The following KCNT2 variants were observed in gnomAD, a reference collection of about 807,000 sequenced individuals.
The protein encoded by KCNT2 is potassium sodium-activated channel subfamily T member 2, also known as potassium channel subfamily T member 2.
KCNT2 carries 67 observed loss-of-function variants against 153.8 expected under a neutral mutation model. The observed-to-expected ratio is 0.44, with a 90% confidence interval of 0.36 to 0.53. The LOEUF (loss-of-function observed/expected upper bound fraction) is 0.53, where lower values mean the gene tolerates loss of function less well. Among genes scored for constraint, KCNT2 ranks in the 20% least tolerant of loss-of-function variants. The probability of loss-of-function intolerance (pLI) is 0.00; values close to 1 mark genes in which losing one functional copy is unlikely to be tolerated. For missense variants in KCNT2, 975 were observed against 1,354.8 expected, an observed-to-expected ratio of 0.72 and a Z score of 4.40; for synonymous variants, 500 against 458.8, an observed-to-expected ratio of 1.09 and a Z score of -1.15.
intron 20 of KCNT2, chr1:196,317,196 C>T (rs1662813226): frequency 2.2e-6 from 1 of 446,690 alleles, no homozygotes; most frequent in Admixed American, 2.4e-5. Context: ...TCCAAGATCC[C>T]CAGGAGTAGT....
intron 1 of KCNT2, among the ~76,000 whole-genome samples, chr1:196,541,111 A>G (rs1267626576): frequency 7.7e-6 from 1 of 130,184 alleles, no homozygotes; most frequent in African/African-American, 2.9e-5. Context: ...AAATCTATTT[A>G]TATTCGTTCA....
intron 12 of KCNT2, among the ~76,000 whole-genome samples, chr1:196,417,511 T>C (rs1342476316): frequency 6.6e-6 from 1 of 152,124 alleles, no homozygotes; most frequent in Non-Finnish European, 1.5e-5. Flanking sequence ...GCCCTAAAAC[T>C]GGGTATTCTC....
chr1:196,281,055 A>G (rs1659044579), intron 24 of KCNT2, 67 bp from the exon 25 acceptor site: 6 of 1,248,232 alleles, frequency 4.8e-6, no homozygotes, highest in Middle Eastern at 2.3e-4. Flanking sequence ...GTAACTTTAC[A>G]TTTCTTTATT....
At chr1:196,262,520 A>G (rs1657123735) in intron 25 of KCNT2, among the ~76,000 whole-genome samples, 1 of 152,018 alleles carries the variant, frequency 6.6e-6, no homozygotes, top group South Asian at 2.1e-4. Context: ...ATTTTCCATT[A>G]AGTAAAGGTT....
chr1:196,415,996 C>T (rs1197396847), intron 12 of KCNT2, among the ~76,000 whole-genome samples: 3 of 151,902 alleles, frequency 2.0e-5, no homozygotes, highest in Non-Finnish European at 4.4e-5. Context: ...AAGGAAAATT[C>T]TAGAAAAAAA....
At chr1:196,535,993 C>T (rs928609511) in intron 1 of KCNT2, among the ~76,000 whole-genome samples, 3 of 152,216 alleles carry the variant, frequency 2.0e-5, no homozygotes, top group African/African-American at 4.8e-5. Flanking sequence ...CACTCCACCC[C>T]CTAAGCTGAG....
At chr1:196,575,302 T>A (rs1019563441) in intron 1 of KCNT2, among the ~76,000 whole-genome samples, 1 of 152,126 alleles carries the variant, frequency 6.6e-6, no homozygotes, top group African/African-American at 2.4e-5. Flanking sequence ...AATTCAATGG[T>A]ATCTATATTA....
intron 19 of KCNT2, among the ~76,000 whole-genome samples, chr1:196,323,618 C>A (rs1663550062): frequency 6.6e-6 from 1 of 151,880 alleles, no homozygotes; most frequent in Non-Finnish European, 1.5e-5. Flanking sequence ...ATTGTGAACA[C>A]TTATTTTGGC....
chr1:196,346,710 T>C (rs541697288), intron 14 of KCNT2, among the ~76,000 whole-genome samples: 1 of 152,266 alleles, frequency 6.6e-6, no homozygotes, highest in African/African-American at 2.4e-5. Flanking sequence ...GGAATTAAAA[T>C]AATAAATTTG....
intron 12 of KCNT2, chr1:196,404,134 T>G (rs760680665): frequency 2.0e-6 from 2 of 979,524 alleles, no homozygotes; most frequent in Non-Finnish European, 2.4e-6. Flanking sequence ...TCACTTACCT[T>G]GCATTTAGTG....
chr1:196,257,489 C>A (rs930983105), intron 26 of KCNT2: 6 of 976,974 alleles, frequency 6.1e-6, no homozygotes, highest in Admixed American at 6.2e-5. Context: ...AAATAAAACA[C>A]CTTGTTTATC....
chr1:196,584,148 A>T (rs1361851402), intron 1 of KCNT2, among the ~76,000 whole-genome samples: 8 of 71,320 alleles, frequency 1.1e-4, no homozygotes, highest in Non-Finnish European at 1.9e-4. Flanking sequence ...GAAAACAATG[A>T]TACTAGCATC....
chr1:196,600,377 G>A (rs376177612), intron 1 of KCNT2, among the ~76,000 whole-genome samples: 1 of 152,218 alleles, frequency 6.6e-6, no homozygotes, highest in Non-Finnish European at 1.5e-5. Context: ...AGATGGAGGT[G>A]GTTGGCTGCA....
intron 1 of KCNT2, among the ~76,000 whole-genome samples, chr1:196,548,223 C>T (rs1164156563): frequency 2.0e-5 from 3 of 151,780 alleles, no homozygotes; most frequent in Non-Finnish European, 4.4e-5. Context: ...CCTTTACCTG[C>T]TATATTCTGA....
intron 27 of KCNT2, among the ~76,000 whole-genome samples, chr1:196,234,970 T>A (rs1476650773): frequency 6.6e-6 from 1 of 151,430 alleles, no homozygotes; most frequent in African/African-American, 2.4e-5. Flanking sequence ...TTGTAAGGAA[T>A]TTCTTTCCTA....
intron 26 of KCNT2, among the ~76,000 whole-genome samples, chr1:196,250,438 A>G (rs1655856419): frequency 6.6e-6 from 1 of 152,322 alleles, no homozygotes; most frequent in African/African-American, 2.4e-5. Context: ...ATGTGGAAGA[A>G]TGAAGCTAGA....
At chr1:196,471,269 G>A (rs553211887) in intron 5 of KCNT2, among the ~76,000 whole-genome samples, 1 of 152,110 alleles carries the variant, frequency 6.6e-6, no homozygotes, top group African/African-American at 2.4e-5. Context: ...AAAAGCTATA[G>A]AACCTCTCTG....
At chr1:196,534,775 G>C (rs886335278) in intron 1 of KCNT2, among the ~76,000 whole-genome samples, 1 of 152,100 alleles carries the variant, frequency 6.6e-6, no homozygotes, top group Non-Finnish European at 1.5e-5. Flanking sequence ...AGAAAAAGCA[G>C]GTCACTTTGT....
At chr1:196,383,265 T>C (rs1669665213) in intron 13 of KCNT2, among the ~76,000 whole-genome samples, 1 of 152,194 alleles carries the variant, frequency 6.6e-6, no homozygotes, top group Admixed American at 6.5e-5. Flanking sequence ...AGGCAGCTCA[T>C]GCCATATGTG....
Sources: allele counts gnomAD v4.1 joint callset (sites outside exome capture counted in the v4.1 genomes callset), GRCh38; gene constraint gnomAD v4.1.1; transcripts MANE v1.5; gene names NCBI Gene and HGNC (gene_info 2026-07-23, HGNC 2026-07-21).